The following MEF2B variants were observed in gnomAD, a reference collection of about 807,000 sequenced individuals.
MEF2B encodes the protein myocyte-specific enhancer factor 2B.
Under a neutral mutation model 32.2 loss-of-function variants are expected in MEF2B, and 15 were observed. That is an observed-to-expected ratio of 0.47 (90% CI 0.31 to 0.72). The LOEUF is 0.72. Among genes scored for constraint, MEF2B ranks in the 30% least tolerant of loss-of-function variants. The pLI, the probability that MEF2B is intolerant of heterozygous loss-of-function variation, is 0.05. For synonymous variants in MEF2B, 205 were observed against 225.6 expected, an observed-to-expected ratio of 0.91 and a Z score of 0.82; for missense variants, 441 against 511.5, an observed-to-expected ratio of 0.86 and a Z score of 1.33.
At chr19:19,164,805 T>C (rs1599735477) in intron 1 of MEF2B, among the ~76,000 whole-genome samples, 2 of 152,068 alleles carry the variant, frequency 1.3e-5, no homozygotes, top group East Asian at 3.9e-4. Flanking sequence ...GACCCTGCTG[T>C]CCCATGCAGG....
intron 1 of MEF2B, among the ~76,000 whole-genome samples, chr19:19,165,129 G>C (rs2060196614): frequency 6.6e-6 from 1 of 152,142 alleles, no homozygotes; most frequent in Non-Finnish European, 1.5e-5. Context: ...TCAGGTGCTG[G>C]GGATGCAGGA....
intron 1 of MEF2B, among the ~76,000 whole-genome samples, chr19:19,162,885 G>T (rs370887653): frequency 6.6e-6 from 1 of 152,090 alleles, no homozygotes; most frequent in Non-Finnish European, 1.5e-5. Context: ...GTTTGCAGGG[G>T]TCCCCACAAA....
At chr19:19,149,518 C>A (rs2146356505) in intron 2 of MEF2B, 89 bp from the exon 3 acceptor site, 1 of 1,517,540 alleles carries the variant, frequency 6.6e-7, no homozygotes, top group South Asian at 1.2e-5. Flanking sequence ...CTAACCCTTC[C>A]TCGAACATGC....
chr19:19,149,479 G>A, intron 2 of MEF2B, 50 bp from the exon 3 acceptor site: 1 of 1,609,808 alleles, frequency 6.2e-7, no homozygotes, highest in African/African-American at 1.3e-5. Flanking sequence ...AGAGATGAAT[G>A]TGGGGTGGTG....
intron 3 of MEF2B, among the ~76,000 whole-genome samples, chr19:19,148,748 G>A (rs891547229): frequency 6.6e-6 from 1 of 151,646 alleles, no homozygotes; most frequent in Admixed American, 6.6e-5. Context: ...GTCTTGCTCT[G>A]TTGCCCAGGC....
chr19:19,159,285 G>T (rs1211428303), intron 1 of MEF2B, among the ~76,000 whole-genome samples: 1 of 150,454 alleles, frequency 6.6e-6, no homozygotes, highest in Admixed American at 6.7e-5. Flanking sequence ...GCGGGGCATG[G>T]TGGTGCCTGC....
chr19:19,169,974 A>T (rs559250025), intron 1 of MEF2B, among the ~76,000 whole-genome samples: 5 of 152,216 alleles, frequency 3.3e-5, no homozygotes, highest in African/African-American at 9.6e-5. Context: ...TCAGACGCAG[A>T]GCCCTTGGAC....
intron 1 of MEF2B, among the ~76,000 whole-genome samples, chr19:19,166,560 A>G (rs865860915): frequency 2.0e-5 from 3 of 148,594 alleles, no homozygotes; most frequent in African/African-American, 7.5e-5. Context: ...GTTCAAGACC[A>G]GCCTGAGCAA....
intron 1 of MEF2B, among the ~76,000 whole-genome samples, chr19:19,162,451 G>A (rs1476559033): frequency 3.9e-5 from 6 of 152,144 alleles, no homozygotes; most frequent in African/African-American, 7.2e-5. Flanking sequence ...TCCCAAGGCC[G>A]GGTGCTCTCC....
Position 19,149,216 on chromosome 19 carries a change from C to G in MEF2B, c.258+10G>C, listed in dbSNP as rs745572797. ...GGCCTTGTGGGGCTGGGGAGGAGGA[C>G]CTGGGGTACCTCGAGGATGTCAGTG... is the stretch of plus-strand genomic sequence containing the variant. On this transcript the variant is annotated intron_variant, in intron 3 of 8. Coordinates refer to ENST00000424583, the MANE Select transcript of MEF2B (RefSeq NM_001145785.2). The G allele has an allele frequency of 1.2e-6, 2 of 1,613,358 alleles. No homozygotes were observed. Among genetic ancestry groups the G allele is most frequent in the East Asian group, 4.5e-5 (2 of 44,818 alleles).
At position 19,164,633 on chromosome 19, in the gene MEF2B, G is replaced by A. The variant is rs1426387784; in HGVS notation, c.-30+5572C>T. Reference sequence around the variant, plus strand: ...GTTTGAGACCAGCCTGGCCAACATAGTGAAACCCCATCTCTACTGAAAATA... The same window carrying A: ...GTTTGAGACCAGCCTGGCCAACATAATGAAACCCCATCTCTACTGAAAATA... On this transcript the variant is annotated intron_variant, in intron 1 of 8. Transcript: ENST00000424583. 2.0e-5 allele frequency among the ~76,000 whole-genome samples: 3 copies of A among 152,220 alleles called. No homozygotes were observed. In the South Asian group the frequency reaches 6.2e-4, roughly 31 times the overall value.
At chr19:19,159,715 G>C (rs2060145184) in intron 1 of MEF2B, among the ~76,000 whole-genome samples, 1 of 152,116 alleles carries the variant, frequency 6.6e-6, no homozygotes, top group Non-Finnish European at 1.5e-5. Context: ...GGCAGTATCT[G>C]TGGTCACTAA....
Position 19,145,734 on chromosome 19 carries a change from G to T in MEF2B, c.*63C>A, listed in dbSNP as rs1334614717. 2 of 1,558,112 alleles carry T rather than the reference G, an allele frequency of 1.3e-6. No individual in the cohort carries two copies. The highest frequency in any genetic ancestry group is 1.2e-5 in the South Asian group (1 of 84,602). ...CTCTGAAGAGGCCTGGAGGGAGGTG[G>T]GGTCCCCACGTGCCCTCGCCGTACC... is the stretch of plus-strand genomic sequence containing the variant. On this transcript the variant is annotated 3_prime_UTR_variant, in exon 9 of 9. Coordinates refer to ENST00000424583, the MANE Select transcript of MEF2B (RefSeq NM_001145785.2). This position sits in a 1 kb window ranked among gnomAD's most constrained non-coding sequence, Gnocchi z 4.6.
At position 19,149,328 on chromosome 19, in the gene MEF2B, G is replaced by T. The variant is rs1255117626; in HGVS notation, c.156C>A (p.Asn52Lys). Residue 52 changes from asparagine (N) to lysine (K), a missense_variant, in exon 3 of 9, where the codon AAC becomes AAA. Asn to Lys is a moderately conservative substitution (Grantham distance 94). Transcript: ENST00000424583. ...CCGTGCTGGCATACTGGAAGAGGCG[G>T]TTGGCGCTGTTGAAGATGATGAGGG... ...EIALIIFNSA[N>K]RLFQYASTDM... is the part of the protein sequence containing the mutation. The T allele has an allele frequency of 6.2e-7, 1 of 1,613,966 alleles. No homozygotes were observed. Among genetic ancestry groups the T allele is most frequent in the Non-Finnish European group, 8.5e-7 (1 of 1,180,014 alleles).
At chr19:19,151,089 C>T (rs2060076803) in intron 1 of MEF2B, among the ~76,000 whole-genome samples, 1 of 151,932 alleles carries the variant, frequency 6.6e-6, no homozygotes, top group African/African-American at 2.4e-5. Context: ...CCCGGCTCTA[C>T]AAAAAATGCA....
intron 1 of MEF2B, among the ~76,000 whole-genome samples, chr19:19,158,878 A>G (rs1256161356): frequency 6.6e-6 from 1 of 151,608 alleles, no homozygotes; most frequent in Non-Finnish European, 1.5e-5. Flanking sequence ...CAGAGGTTGC[A>G]GTGAACTGAG....
At chr19:19,157,305 T>C (rs12162246) in intron 1 of MEF2B, 24,592 of 153,150 alleles carry the variant, frequency 0.16, 2,261 homozygotes, top group East Asian at 0.34. Context: ...GACAAGAATG[T>C]TTTCTACAGC....
At chr19:19,162,517 A>T (rs991017230) in intron 1 of MEF2B, among the ~76,000 whole-genome samples, 1 of 152,138 alleles carries the variant, frequency 6.6e-6, no homozygotes, top group African/African-American at 2.4e-5. Context: ...TTGAATGGGT[A>T]GTGTTTGAAT....
intron 1 of MEF2B, 131 bp from the exon 2 acceptor site, chr19:19,150,895 C>T (rs1166591816): frequency 8.6e-7 from 1 of 1,161,414 alleles, no homozygotes; most frequent in Non-Finnish European, 1.2e-6. Context: ...TCAAGGCAGG[C>T]TGGGTCACTG....
Sources: gnomAD v4.1 joint callset for allele counts (sites outside exome capture counted in the v4.1 genomes callset) on GRCh38, gnomAD v4.1.1 for gene constraint, Gnocchi (gnomAD v3.1) non-coding constraint, MANE v1.5 for transcripts, NCBI Gene and HGNC (gene_info 2026-07-23, HGNC 2026-07-21) for gene names.